The following CSMD2 variants were observed in gnomAD, a reference collection of about 807,000 sequenced individuals.
The protein encoded by CSMD2 is CUB and Sushi multiple domains 2.
Under a neutral mutation model 398.5 loss-of-function variants are expected in CSMD2, and 130 were observed. The observed-to-expected ratio is 0.33, with a 90% CI of 0.28 to 0.38. CSMD2 has a LOEUF of 0.38. Among genes scored for constraint, CSMD2 ranks in the 10% least tolerant of loss-of-function variants. The probability of loss-of-function intolerance (pLI) is 1.00; values close to 1 mark genes in which losing one functional copy is unlikely to be tolerated. For missense variants in CSMD2, 3,829 were observed against 4,764.9 expected, an observed-to-expected ratio of 0.80 and a Z score of 5.78; for synonymous variants, 1,828 against 1,908.5, an observed-to-expected ratio of 0.96 and a Z score of 1.10.
rs78753491 is a variant in CSMD2 at position 33,761,164 on chromosome 1, G to A, written c.1846+11405C>T. ...GTACTGAACAGCCCTTCACTTGAGT[G>A]TTGGATATTCTGTCAGTCTTGAGTC... On this transcript the variant is annotated intron_variant, in intron 13 of 70. Transcript: ENST00000373381. 2.6e-3 allele frequency among the ~76,000 whole-genome samples: 398 copies of A among 152,258 alleles called. 1 individual carries two copies. The highest frequency in any genetic ancestry group is 8.8e-3 in the African/African-American group (366 of 41,540).
intron 1 of CSMD2, among the ~76,000 whole-genome samples, chr1:34,125,199 T>C (rs1662610609): frequency 6.6e-6 from 1 of 152,052 alleles, no homozygotes; most frequent in Non-Finnish European, 1.5e-5. Flanking sequence ...AAAAGATGAA[T>C]AAAATTTCAC....
At position 33,537,993 on chromosome 1, in the gene CSMD2, C is replaced by T. The variant is rs190290978; in HGVS notation, c.9632-384G>A. ...AGCGGCAAACCCAAGCCTATGTGAT[C>T]GTAAATCTTGTTTCATTCACTTAGC... On this transcript the variant is annotated intron_variant, in intron 60 of 70. Transcript: ENST00000373381. This position sits in a 1 kb window ranked among gnomAD's most constrained non-coding sequence, Gnocchi z 4.6. Among the ~76,000 whole-genome samples the T allele has an allele frequency of 6.6e-6, 1 of 152,292 alleles. No homozygotes were observed. The highest frequency in any genetic ancestry group is 2.4e-5 in the African/African-American group (1 of 41,566).
At chr1:34,036,331 TA>T (rs1651120637) in intron 2 of CSMD2, among the ~76,000 whole-genome samples, 1 of 151,962 alleles carries the variant, frequency 6.6e-6, no homozygotes, top group African/African-American at 2.4e-5. Flanking sequence ...TACTCAGCAA[TA>T]AAAAGGAATG....
At chr1:33,861,133 T>G (rs1639466458) in intron 5 of CSMD2, 1 of 152,208 alleles carries the variant, frequency 6.6e-6, no homozygotes. Context: ...TGGCTCATAT[T>G]AAGCATTATA....
At chr1:33,561,693 T>C (rs1197753565) in intron 53 of CSMD2, among the ~76,000 whole-genome samples, 2 of 152,122 alleles carry the variant, frequency 1.3e-5, no homozygotes, top group Non-Finnish European at 2.9e-5. Flanking sequence ...TACCCTCCTC[T>C]GGGGAGAGAG....
In CSMD2 at chr1:33,770,864, A is replaced by G. The variant is rs1457947311; in HGVS notation, c.1846+1705T>C. On this transcript the variant is annotated intron_variant, in intron 13 of 70. Coordinates refer to ENST00000373381, the MANE Select transcript of CSMD2 (RefSeq NM_001281956.2). ...GAGGCTGCCGGCCCTGCTTGTGGACACCAAGGGCCTGCTGGGCAGCACTTC... is the reference window on the plus strand; with the variant it reads ...GAGGCTGCCGGCCCTGCTTGTGGACGCCAAGGGCCTGCTGGGCAGCACTTC... 6.6e-5 allele frequency among the ~76,000 whole-genome samples: 10 copies of G among 152,282 alleles called. No individual in the cohort carries two copies. In the East Asian group the frequency reaches 1.9e-3, roughly 29 times the overall value.
At chr1:33,864,153 C>T in intron 5 of CSMD2, 1 of 1,541,928 alleles carries the variant, frequency 6.5e-7, no homozygotes, top group Non-Finnish European at 8.7e-7. Flanking sequence ...TCTCTCCTGT[C>T]CACGTTACTG....
intron 3 of CSMD2, among the ~76,000 whole-genome samples, chr1:34,007,479 T>C (rs1647097395): frequency 6.6e-6 from 1 of 152,138 alleles, no homozygotes; most frequent in Non-Finnish European, 1.5e-5. Context: ...TTGTTAATAT[T>C]CAGTGTTGGG....
chr1:33,881,993 AAAT>A (rs1299461597), intron 5 of CSMD2, among the ~76,000 whole-genome samples: 2 of 152,228 alleles, frequency 1.3e-5, no homozygotes, highest in East Asian at 3.9e-4. Flanking sequence ...CCATTATAAT[AAAT>A]AATGCTGCAG....
chr1:33,872,321 C>T (rs1640534443), intron 5 of CSMD2, among the ~76,000 whole-genome samples: 1 of 152,016 alleles, frequency 6.6e-6, no homozygotes, highest in Non-Finnish European at 1.5e-5. Context: ...TTCTCAGTCT[C>T]CCAAGTCAGC....
intron 1 of CSMD2, among the ~76,000 whole-genome samples, chr1:34,143,675 C>T (rs965203991): frequency 1.3e-5 from 2 of 152,028 alleles, no homozygotes; most frequent in African/African-American, 4.8e-5. Flanking sequence ...CTTGGTTAAA[C>T]ATATACACAG....
chr1:33,628,574 C>G (rs1002717545), intron 32 of CSMD2, among the ~76,000 whole-genome samples: 6 of 149,258 alleles, frequency 4.0e-5, no homozygotes, highest in Admixed American at 6.8e-5. Context: ...AAGGCTGAGG[C>G]AGGAGAATCT....
rs377073097 is a variant in CSMD2, at chr1:33,583,706, G to A, written c.7176C>T (p.Asn2392=). 3.0e-5 allele frequency: 49 copies of A among 1,614,072 alleles called. No homozygotes were observed. The highest frequency in any genetic ancestry group is 3.8e-5 in the Non-Finnish European group (45 of 1,180,022). The part of the protein sequence containing the change: ...SWLVRVEPDY[N]ISLTVEYFLS... ...GGAAGTACTCCACTGTGAGGGAGAT[G>A]TTATAGTCGGGCTCCACTCTCACCA... Residue 2392 remains asparagine (N), a synonymous_variant, in exon 47 of 71, where the codon AAC becomes AAT. Coordinates refer to ENST00000373381, the MANE Select transcript of CSMD2 (RefSeq NM_001281956.2).
intron 5 of CSMD2, among the ~76,000 whole-genome samples, chr1:33,851,181 C>T (rs796877429): frequency 3.3e-5 from 5 of 152,278 alleles, no homozygotes; most frequent in African/African-American, 1.2e-4. Flanking sequence ...ACTGTGCTCG[C>T]AAGTGAGGGC....
intron 3 of CSMD2, among the ~76,000 whole-genome samples, chr1:33,984,196 G>A (rs1318333699): frequency 6.6e-6 from 1 of 151,840 alleles, no homozygotes; most frequent in Non-Finnish European, 1.5e-5. Context: ...CATAGCTTGG[G>A]CCTTCCCTTA....
chr1:33,969,835 G>C (rs756823782), intron 3 of CSMD2, among the ~76,000 whole-genome samples: 1 of 152,206 alleles, frequency 6.6e-6, no homozygotes, highest in Middle Eastern at 3.4e-3. Context: ...AAATTCAGCC[G>C]GGCGTGGTGG....
At position 33,739,122 on chromosome 1, in the gene CSMD2, C is replaced by A; in HGVS notation, c.2368+18G>T. On this transcript the variant is annotated intron_variant, in intron 15 of 70. Transcript: ENST00000373381. ...TCTGGCTGACAATGGCCACTGCTCC[C>A]AGCCTGCAGGCTCGTACCTTCACAC... 3 of 1,604,454 alleles carry A rather than the reference C, an allele frequency of 1.9e-6. No homozygotes were observed. Among genetic ancestry groups the A allele is most frequent in the East Asian group, 2.2e-5 (1 of 44,450 alleles).
chr1:34,153,384 T>C (rs1316989681), intron 1 of CSMD2, among the ~76,000 whole-genome samples: 1 of 152,204 alleles, frequency 6.6e-6, no homozygotes, highest in Non-Finnish European at 1.5e-5. Flanking sequence ...GGTGTCAGAA[T>C]TTCCTTGCTT....
intron 68 of CSMD2, among the ~76,000 whole-genome samples, chr1:33,520,821 C>T (rs894890045): frequency 5.3e-5 from 8 of 152,068 alleles, no homozygotes; most frequent in African/African-American, 1.2e-4. Flanking sequence ...CACGCACCTG[C>T]GGCTGCCTCC....
Sources: allele counts gnomAD v4.1 joint callset (sites outside exome capture counted in the v4.1 genomes callset), GRCh38; gene constraint gnomAD v4.1.1; non-coding constraint Gnocchi (gnomAD v3.1); transcripts MANE v1.5; gene names NCBI Gene and HGNC (gene_info 2026-07-23, HGNC 2026-07-21).